Variants in TRIOBP observed in about 807,000 individuals in gnomAD.
TRIOBP encodes the protein TRIO and F-actin-binding protein.
TRIOBP carries 169 observed loss-of-function variants against 238.8 expected under a neutral mutation model. That is an observed-to-expected ratio of 0.71 (90% confidence interval 0.62 to 0.80). TRIOBP has a LOEUF of 0.80. TRIOBP is among the 30% of genes least tolerant of loss of function. The pLI, the probability that TRIOBP is intolerant of heterozygous loss-of-function variation, is 0.00. For missense variants in TRIOBP, 2,838 were observed against 3,122.6 expected (o/e 0.91, Z 2.17); for synonymous variants, 1,150 against 1,274.4 (o/e 0.90, Z 2.08).
intron 7 of TRIOBP, among the ~76,000 whole-genome samples, chr22:37,729,055 A>G (rs928451270): frequency 3.3e-5 from 5 of 152,090 alleles, no homozygotes; most frequent in Admixed American, 2.6e-4. Flanking sequence ...AGCTGGGACT[A>G]CAGGAGCATG....
intron 3 of TRIOBP, among the ~76,000 whole-genome samples, chr22:37,709,523 G>GC (rs1197607225): frequency 6.6e-6 from 1 of 152,192 alleles, no homozygotes; most frequent in Non-Finnish European, 1.5e-5. Context: ...CTGAGCCGGA[G>GC]CCCCCCGGGG....
rs1404214318 is a variant in TRIOBP at position 37,735,415 on chromosome 22, G to A, written c.5079G>A (p.Ala1693=). 24 of 1,582,686 alleles carry A rather than the reference G, an allele frequency of 1.5e-5. No homozygotes were observed. Among genetic ancestry groups the A allele is most frequent in the African/African-American group, 2.7e-5 (2 of 74,258 alleles). ...QTGPLGSRST[A]KGPSLPELQF... ...GCCCCCTGGGGAGCAGGAGCACTGCGAAGGGCCCCAGCTTGCCAGAGCTGC... is the reference window on the plus strand; with the variant it reads ...GCCCCCTGGGGAGCAGGAGCACTGCAAAGGGCCCCAGCTTGCCAGAGCTGC... Residue 1693 remains alanine, a synonymous_variant, in exon 9 of 24, where the codon GCG becomes GCA. Coordinates refer to ENST00000644935, the MANE Select transcript of TRIOBP (RefSeq NM_001039141.3).
At chr22:37,702,493 C>T (rs569843886) in intron 3 of TRIOBP, among the ~76,000 whole-genome samples, 26 of 152,106 alleles carry the variant, frequency 1.7e-4, no homozygotes, top group Non-Finnish European at 3.4e-4. Flanking sequence ...CGTGAGCCAC[C>T]GCGCCTGGCC....
intron 3 of TRIOBP, among the ~76,000 whole-genome samples, chr22:37,707,973 G>A (rs1441797572): frequency 3.5e-4 from 53 of 149,848 alleles, no homozygotes; most frequent in African/African-American, 1.3e-3. Flanking sequence ...AAGGCCGGGC[G>A]TGGTGGCTCA....
At chr22:37,712,946 G>A (rs902314994) in intron 4 of TRIOBP, among the ~76,000 whole-genome samples, 11 of 147,486 alleles carry the variant, frequency 7.5e-5, no homozygotes, top group African/African-American at 2.8e-4. Flanking sequence ...GACAGAGCGA[G>A]ACTCTGTCTC....
chr22:37,772,608 G>T lies in TRIOBP; in HGVS notation c.6944G>T (p.Arg2315Leu). 6.2e-7 allele frequency: 1 copy of T among 1,614,080 alleles called. No individual in the cohort carries two copies. Among genetic ancestry groups the T allele is most frequent in the Non-Finnish European group, 8.5e-7 (1 of 1,180,018 alleles). ...DELQMMQKDK[R>L]FTSGKYQDVY... Reference sequence around the variant, plus strand: ...CTGCCTCCTGCCCCCCAGGACAAGCGCTTCACCTCGGGAAAGTACCAGGAC... The same window carrying T: ...CTGCCTCCTGCCCCCCAGGACAAGCTCTTCACCTCGGGAAAGTACCAGGAC... Residue 2315 changes from arginine (R) to leucine (L), a missense_variant, in exon 23 of 24, where the codon CGC becomes CTC. Arg to Leu is a moderately radical substitution (Grantham distance 102). Coordinates refer to ENST00000644935, the MANE Select transcript of TRIOBP (RefSeq NM_001039141.3).
intron 11 of TRIOBP, among the ~76,000 whole-genome samples, chr22:37,742,372 G>C (rs4396807): frequency 0.38 from 57,827 of 150,966 alleles, 11,390 homozygotes; most frequent in South Asian, 0.49. Flanking sequence ...AAGCGATTCT[G>C]CCATCTCAGC....
chr22:37,766,920 C>T (rs1317913922), intron 18 of TRIOBP, among the ~76,000 whole-genome samples: 1 of 148,668 alleles, frequency 6.7e-6, no homozygotes, highest in Non-Finnish European at 1.5e-5. Context: ...GAGATTGCAC[C>T]ACTGCACTCC....
intron 2 of TRIOBP, among the ~76,000 whole-genome samples, chr22:37,699,615 C>T (rs1409199993): frequency 6.6e-6 from 1 of 152,086 alleles, no homozygotes; most frequent in African/African-American, 2.4e-5. Flanking sequence ...AATCTTGGCT[C>T]ACTGCAACCT....
chr22:37,771,662 G>A lies in TRIOBP; in HGVS notation c.6862G>A (p.Val2288Ile), dbSNP rs151046697. Reference protein sequence around the residue: ...SSCELEVLLRVKENELQYLKK... With the variant: ...SSCELEVLLRIKENELQYLKK... Reference sequence around the variant, plus strand: ...CCTATATCCCCAGGTGCTGCTTCGCGTAAAAGAAAACGAACTCCAGTACCT... The same window carrying A: ...CCTATATCCCCAGGTGCTGCTTCGCATAAAAGAAAACGAACTCCAGTACCT... Residue 2288 changes from valine (V) to isoleucine (I), a missense_variant, in exon 22 of 24, where the codon GTA becomes ATA. This residue lies in a region of TRIOBP where 2,096 missense variants were observed against 2,137.4 expected (regional missense o/e 0.98). Transcript: ENST00000644935. 6.2e-5 allele frequency: 100 copies of A among 1,614,054 alleles called. No individual in the cohort carries two copies. The highest frequency in any genetic ancestry group is 1.7e-4 in the Middle Eastern group (1 of 6,036).
intron 6 of TRIOBP, 124 bp from the exon 7 acceptor site, chr22:37,723,057 CAGTG>C: frequency 1.1e-6 from 1 of 880,236 alleles, no homozygotes; most frequent in Non-Finnish European, 1.8e-6. Context: ...TTGGTACAGA[CAGTG>C]AGACCTGTAG....
At chr22:37,748,958 T>C (rs1441036610) in intron 11 of TRIOBP, among the ~76,000 whole-genome samples, 1 of 152,076 alleles carries the variant, frequency 6.6e-6, no homozygotes, top group Non-Finnish European at 1.5e-5. Flanking sequence ...GCAAGGAATA[T>C]GCAGTGGTAT....
intron 11 of TRIOBP, among the ~76,000 whole-genome samples, chr22:37,742,608 A>G (rs542065503): frequency 6.6e-6 from 1 of 152,146 alleles, no homozygotes; most frequent in Non-Finnish European, 1.5e-5. Context: ...ACCGAGGGTG[A>G]GCAGGCAAGC....
intron 4 of TRIOBP, among the ~76,000 whole-genome samples, chr22:37,711,605 AAAAC>A (rs1923248476): frequency 1.3e-5 from 2 of 151,558 alleles, no homozygotes; most frequent in Non-Finnish European, 2.9e-5. Flanking sequence ...ACAAAAAAAA[AAAAC>A]AAAAAAAAAC....
At chr22:37,708,495 G>T (rs1923068279) in intron 3 of TRIOBP, among the ~76,000 whole-genome samples, 1 of 152,236 alleles carries the variant, frequency 6.6e-6, no homozygotes, top group Non-Finnish European at 1.5e-5. Flanking sequence ...AGGTTGCAGT[G>T]AGCCGAGACT....
chr22:37,710,346 C>G, intron 3 of TRIOBP, 81 bp from the exon 4 acceptor site: 1 of 1,589,478 alleles, frequency 6.3e-7, no homozygotes, highest in Non-Finnish European at 8.5e-7. Flanking sequence ...GAGACTCCCA[C>G]GCCACCGGGA....
intron 6 of TRIOBP, among the ~76,000 whole-genome samples, chr22:37,717,136 C>T (rs1356176540): frequency 6.6e-6 from 1 of 152,138 alleles, no homozygotes; most frequent in African/African-American, 2.4e-5. Context: ...CTCGCTGGCT[C>T]AGGAGTGAAG....
rs1025592185 is a variant in TRIOBP, at chr22:37,765,724, G to A, written c.6379G>A (p.Glu2127Lys). Reference sequence around the variant, plus strand: ...GGAGTCCTCGCACCAGCAGGTGATGGAGGAGCTGCAGCGGCACCACGAGCG... The same window carrying A: ...GGAGTCCTCGCACCAGCAGGTGATGAAGGAGCTGCAGCGGCACCACGAGCG... ...EMESSHQQVM[E>K]ELQRHHEREL... is the part of the protein sequence containing the mutation. Residue 2127 changes from glutamate (E) to lysine (K), a missense_variant, in exon 18 of 24, where the codon GAG becomes AAG. Physicochemically the swap from Glu to Lys is moderately conservative, Grantham distance 56. Coordinates refer to ENST00000644935, the MANE Select transcript of TRIOBP (RefSeq NM_001039141.3). The A allele has an allele frequency of 4.5e-6, 7 of 1,561,904 alleles. No homozygotes were observed. The African/African-American group carries it at 5.4e-5, about 12-fold the overall frequency.
intron 8 of TRIOBP, 77 bp from the exon 9 acceptor site, chr22:37,734,322 G>C (rs1924554968): frequency 2.2e-6 from 3 of 1,341,284 alleles, no homozygotes; most frequent in Non-Finnish European, 2.1e-6. Flanking sequence ...TTGACTCTCT[G>C]GGGGCCTAAG....
Sources: allele counts gnomAD v4.1 joint callset (sites outside exome capture counted in the v4.1 genomes callset), GRCh38; gene constraint gnomAD v4.1.1; regional missense constraint gnomAD v4.1.1; transcripts MANE v1.5; gene names NCBI Gene and HGNC (gene_info 2026-07-23, HGNC 2026-07-21).